Variants in WWP1 observed in about 807,000 individuals in gnomAD.
The protein encoded by WWP1 is WW domain containing E3 ubiquitin protein ligase 1.
WWP1 carries 49 observed loss-of-function variants against 130.6 expected under a neutral mutation model. The observed-to-expected ratio is 0.38, with a 90% CI of 0.30 to 0.48. The LOEUF is 0.48. Ranked by LOEUF, WWP1 falls within the 20% of genes least tolerant of loss-of-function variation. The probability of loss-of-function intolerance (pLI) is 0.99; values close to 1 mark genes in which losing one functional copy is unlikely to be tolerated. For synonymous variants in WWP1, 332 were observed against 367.8 expected, an observed-to-expected ratio of 0.90 and a Z score of 1.11; for missense variants, 809 against 1,100.6, an observed-to-expected ratio of 0.74 and a Z score of 3.75.
At chr8:86,429,050 AAGGACCCGG>A (rs1258445361) in intron 11 of WWP1, among the ~76,000 whole-genome samples, 1 of 152,160 alleles carries the variant, frequency 6.6e-6, no homozygotes, top group African/African-American at 2.4e-5. Flanking sequence ...TAGTGTCATC[AAGGACCCGG>A]GTTCTTTCTG....
chr8:86,359,957 G>T (rs955878694), intron 1 of WWP1, among the ~76,000 whole-genome samples: 25 of 151,938 alleles, frequency 1.6e-4, no homozygotes, highest in African/African-American at 5.8e-4. Context: ...GCTGAGGCAG[G>T]AGAATGGCGT....
chr8:86,453,171 A>G (rs1248035271), intron 21 of WWP1, among the ~76,000 whole-genome samples: 2 of 152,156 alleles, frequency 1.3e-5, no homozygotes, highest in African/African-American at 4.8e-5. Flanking sequence ...TGCAAAACTG[A>G]AACTCTATGT....
intron 21 of WWP1, among the ~76,000 whole-genome samples, chr8:86,454,261 T>A (rs905270907): frequency 6.6e-6 from 1 of 152,196 alleles, no homozygotes; most frequent in Non-Finnish European, 1.5e-5. Context: ...AATGCTATGG[T>A]AAATAGTTGT....
intron 1 of WWP1, among the ~76,000 whole-genome samples, chr8:86,353,451 G>A (rs1317476771): frequency 2.6e-5 from 4 of 151,948 alleles, no homozygotes; most frequent in African/African-American, 9.7e-5. Context: ...CTCAATTTGA[G>A]TAGAAAGGAT....
chr8:86,444,967 T>C (rs2130731796), intron 18 of WWP1, among the ~76,000 whole-genome samples: 1 of 152,252 alleles, frequency 6.6e-6, no homozygotes, highest in Non-Finnish European at 1.5e-5. Flanking sequence ...GTGCAGGCTG[T>C]ACAAGAAGCA....
intron 5 of WWP1, among the ~76,000 whole-genome samples, chr8:86,383,684 TG>T (rs1259278848): frequency 1.3e-5 from 2 of 152,142 alleles, no homozygotes; most frequent in Non-Finnish European, 2.9e-5. Context: ...GAGGTTGCAG[TG>T]AACTGAGATT....
chr8:86,391,379 T>C (rs1183244923), intron 5 of WWP1, among the ~76,000 whole-genome samples: 1 of 152,222 alleles, frequency 6.6e-6, no homozygotes, highest in Non-Finnish European at 1.5e-5. Context: ...TTCCAAACTA[T>C]GGAAATAATT....
chr8:86,425,130 T>G, intron 9 of WWP1, 93 bp from the exon 10 acceptor site: 1 of 880,094 alleles, frequency 1.1e-6, no homozygotes, highest in Non-Finnish European at 1.7e-6. Flanking sequence ...AATGTAAAGC[T>G]TATCTGTAAT....
At chr8:86,384,437 G>A (rs1825167920) in intron 5 of WWP1, among the ~76,000 whole-genome samples, 1 of 152,124 alleles carries the variant, frequency 6.6e-6, no homozygotes, top group South Asian at 2.1e-4. Context: ...ATTTAAGTAA[G>A]TTGGTCAAGA....
chr8:86,433,747 C>T (rs1013285044), intron 14 of WWP1, among the ~76,000 whole-genome samples: 1 of 152,080 alleles, frequency 6.6e-6, no homozygotes, highest in Admixed American at 6.6e-5. Flanking sequence ...AGTTCGAGAC[C>T]AGCCTGGCCA....
intron 8 of WWP1, among the ~76,000 whole-genome samples, chr8:86,407,310 T>C (rs1808336207): frequency 6.6e-6 from 1 of 152,234 alleles, no homozygotes; most frequent in South Asian, 2.1e-4. Flanking sequence ...AACAGATGTT[T>C]ATTTTGCAAC....
intron 18 of WWP1, among the ~76,000 whole-genome samples, chr8:86,447,536 G>A (rs540795863): frequency 2.2e-4 from 33 of 152,294 alleles, no homozygotes; most frequent in Non-Finnish European, 4.3e-4. Flanking sequence ...AAAGTGCTGG[G>A]ATTACAAGTG....
intron 5 of WWP1, among the ~76,000 whole-genome samples, chr8:86,385,014 A>G (rs1246293602): frequency 8.8e-6 from 1 of 113,054 alleles, no homozygotes; most frequent in Non-Finnish European, 1.9e-5. Flanking sequence ...ACAGAGTAAG[A>G]CACTGTCTCA....
chr8:86,379,311 G>A (rs1824851655), intron 3 of WWP1, among the ~76,000 whole-genome samples: 1 of 152,094 alleles, frequency 6.6e-6, no homozygotes, highest in South Asian at 2.1e-4. Context: ...CTCTTTAATT[G>A]CTATGTTGCC....
chr8:86,356,158 G>T (rs975536981), intron 1 of WWP1, among the ~76,000 whole-genome samples: 7 of 67,994 alleles, frequency 1.0e-4, no homozygotes, highest in Non-Finnish European at 1.6e-4. Flanking sequence ...CCTGGTTCAG[G>T]TTCCGTGTTT....
At chr8:86,343,815 T>G (rs967683566) in intron 1 of WWP1, among the ~76,000 whole-genome samples, 8 of 152,186 alleles carry the variant, frequency 5.3e-5, no homozygotes, top group African/African-American at 7.2e-5. Flanking sequence ...TCTGTGTGTG[T>G]GTAGGTTAAT....
chr8:86,406,206 T>C (rs1808270860), intron 8 of WWP1, among the ~76,000 whole-genome samples: 2 of 152,306 alleles, frequency 1.3e-5, no homozygotes, highest in African/African-American at 2.4e-5. Context: ...TCAAAATTTA[T>C]GAAAAGAGGA....
chr8:86,394,828 A>C (rs1391157706), intron 5 of WWP1, among the ~76,000 whole-genome samples: 1 of 151,868 alleles, frequency 6.6e-6, no homozygotes, highest in South Asian at 2.1e-4. Flanking sequence ...ATTGTGAAAT[A>C]ATATATACTG....
chr8:86,414,731 C>G (rs552700236), intron 9 of WWP1, among the ~76,000 whole-genome samples: 2 of 152,242 alleles, frequency 1.3e-5, no homozygotes, highest in East Asian at 1.9e-4. Context: ...ACCCTTTACT[C>G]TCCACATTTT....
Sources: gnomAD v4.1 joint callset for allele counts (sites outside exome capture counted in the v4.1 genomes callset) on GRCh38, gnomAD v4.1.1 for gene constraint, MANE v1.5 for transcripts, NCBI Gene and HGNC (gene_info 2026-07-23, HGNC 2026-07-21) for gene names.